Variants in LINGO2 observed in about 807,000 individuals in gnomAD.
LINGO2 encodes leucine-rich repeat and immunoglobulin-like domain-containing nogo receptor-interacting protein 2.
In LINGO2, 14 loss-of-function variants were observed where a neutral mutation model predicts 30.6. That is an observed-to-expected ratio of 0.46 (90% CI 0.30 to 0.72). LINGO2 has a LOEUF of 0.72. LINGO2 is among the 30% of genes least tolerant of loss of function. The probability of loss-of-function intolerance (pLI) is 0.07; values close to 1 mark genes in which losing one functional copy is unlikely to be tolerated. For missense variants in LINGO2, 729 were observed against 751.7 expected (o/e 0.97, Z 0.35); for synonymous variants, 317 against 288.5 (o/e 1.10, Z -1.00).
At chr9:28,603,120 A>C (rs1301590357) in intron 1 of LINGO2, among the ~76,000 whole-genome samples, 1 of 152,104 alleles carries the variant, frequency 6.6e-6, no homozygotes, top group South Asian at 2.1e-4. Flanking sequence ...GTATGTGTTT[A>C]AAATGAAAAT....
chr9:28,695,453 A>G, the LINGO2 span, among the ~76,000 whole-genome samples: 1 of 151,930 alleles, frequency 6.6e-6, no homozygotes, highest in African/African-American at 2.4e-5. Context: ...TTAACTTTTA[A>G]AAAGGTTGTT....
the LINGO2 span, among the ~76,000 whole-genome samples, chr9:28,769,715 G>T: frequency 7.0e-6 from 1 of 143,212 alleles, no homozygotes; most frequent in African/African-American, 2.6e-5. Context: ...TATTTGTTCT[G>T]TTCTTCTGCT....
chr9:28,172,744 T>C (rs912744309), intron 4 of LINGO2, among the ~76,000 whole-genome samples: 1 of 152,172 alleles, frequency 6.6e-6, no homozygotes, highest in Non-Finnish European at 1.5e-5. Flanking sequence ...ATTTTTTTTT[T>C]CTGGAAGCTC....
chr9:28,871,302 AAAC>A, the LINGO2 span, among the ~76,000 whole-genome samples: 1,202 of 151,750 alleles, frequency 7.9e-3, 22 homozygotes, highest in African/African-American at 0.028. Context: ...AAATGAAATT[AAAC>A]AATAGAACAA....
the LINGO2 span, among the ~76,000 whole-genome samples, chr9:28,907,236 G>A: frequency 2.0e-5 from 3 of 151,980 alleles, no homozygotes; most frequent in Admixed American, 2.0e-4. Context: ...AAATGGCAAT[G>A]TCAACATTAA....
chr9:28,385,614 C>T (rs1412226), intron 2 of LINGO2, among the ~76,000 whole-genome samples: 103,567 of 152,038 alleles, frequency 0.68, 36,366 homozygotes, highest in Non-Finnish European at 0.76. Flanking sequence ...GGAAATGGAG[C>T]GAACAAAAGA....
intron 2 of LINGO2, among the ~76,000 whole-genome samples, chr9:28,416,496 C>G (rs1382666059): frequency 1.4e-5 from 2 of 145,806 alleles, no homozygotes; most frequent in Non-Finnish European, 3.0e-5. Flanking sequence ...AAATTTGCTT[C>G]AAGAGATATT....
chr9:29,172,314 T>C, the LINGO2 span, among the ~76,000 whole-genome samples: 1 of 148,152 alleles, frequency 6.7e-6, no homozygotes, highest in African/African-American at 2.5e-5. Context: ...CCTACCCAAA[T>C]AGTGGTCTCA....
intron 1 of LINGO2, among the ~76,000 whole-genome samples, chr9:28,522,543 G>A (rs1238272226): frequency 3.9e-5 from 6 of 152,084 alleles, no homozygotes; most frequent in African/African-American, 1.4e-4. Flanking sequence ...AAATATAAAA[G>A]TCTTTGTCAC....
At chr9:28,224,220 A>G (rs1338557034) in intron 4 of LINGO2, among the ~76,000 whole-genome samples, 1 of 152,084 alleles carries the variant, frequency 6.6e-6, no homozygotes, top group East Asian at 1.9e-4. Context: ...GCCCGCCACC[A>G]TGCCCAGTTA....
chr9:28,541,776 A>G (rs1587828273), intron 1 of LINGO2, among the ~76,000 whole-genome samples: 2 of 152,290 alleles, frequency 1.3e-5, no homozygotes, highest in East Asian at 1.9e-4. Context: ...GAAAAATAGA[A>G]CCCACCTATT....
the LINGO2 span, among the ~76,000 whole-genome samples, chr9:28,735,881 A>G: frequency 6.6e-6 from 1 of 152,210 alleles, no homozygotes; most frequent in Non-Finnish European, 1.5e-5. Flanking sequence ...GTTGCAGATG[A>G]TAAATAAGGA....
chr9:28,443,102 G>A (rs1486047410), intron 2 of LINGO2, among the ~76,000 whole-genome samples: 1 of 152,068 alleles, frequency 6.6e-6, no homozygotes, highest in Non-Finnish European at 1.5e-5. Context: ...GAGTAGAAGA[G>A]GAAAAATGAC....
chr9:28,053,893 C>T (rs537055549), intron 4 of LINGO2, among the ~76,000 whole-genome samples: 3 of 151,976 alleles, frequency 2.0e-5, no homozygotes, highest in Non-Finnish European at 4.4e-5. Context: ...TTATCAATAG[C>T]TAGCCAAAGA....
intron 4 of LINGO2, among the ~76,000 whole-genome samples, chr9:28,013,544 A>C (rs917276035): frequency 6.6e-6 from 1 of 152,222 alleles, no homozygotes; most frequent in African/African-American, 2.4e-5. Flanking sequence ...TATTTTCAAC[A>C]ACTGTCAAAT....
intron 4 of LINGO2, among the ~76,000 whole-genome samples, chr9:28,075,683 G>A (rs1016072563): frequency 1.3e-5 from 2 of 151,728 alleles, no homozygotes; most frequent in African/African-American, 2.4e-5. Flanking sequence ...AATATTTCTT[G>A]TTCTGCTGAG....
chr9:28,755,901 G>A, the LINGO2 span, among the ~76,000 whole-genome samples: 1 of 152,032 alleles, frequency 6.6e-6, no homozygotes, highest in Non-Finnish European at 1.5e-5. Flanking sequence ...CATCTTCTAA[G>A]TCAGTTATTT....
chr9:28,028,748 T>A (rs1473162924), intron 4 of LINGO2, among the ~76,000 whole-genome samples: 1 of 152,050 alleles, frequency 6.6e-6, no homozygotes, highest in East Asian at 1.9e-4. Flanking sequence ...TTTTTTGTAT[T>A]TTTTTTCTTT....
At chr9:28,300,316 A>C (rs997181811) in intron 3 of LINGO2, among the ~76,000 whole-genome samples, 1 of 152,134 alleles carries the variant, frequency 6.6e-6, no homozygotes, top group Admixed American at 6.6e-5. Flanking sequence ...TATCATTTTC[A>C]TTTCAGAACC....
Sources: allele counts gnomAD v4.1 joint callset (sites outside exome capture counted in the v4.1 genomes callset), GRCh38; gene constraint gnomAD v4.1.1; transcripts MANE v1.5; gene names NCBI Gene and HGNC (gene_info 2026-07-23, HGNC 2026-07-21).